Variants in PTPRT observed in about 807,000 individuals in gnomAD.
PTPRT encodes the protein receptor-type tyrosine-protein phosphatase T.
PTPRT carries 56 observed loss-of-function variants against 176.8 expected under a neutral mutation model. That is an observed-to-expected ratio of 0.32 (90% CI 0.26 to 0.40). The LOEUF is 0.40. Ranked by LOEUF, PTPRT falls within the 10% of genes least tolerant of loss-of-function variation. PTPRT has a pLI of 1.00. For missense variants in PTPRT, 1,540 were observed against 1,908.2 expected, an observed-to-expected ratio of 0.81 and a Z score of 3.60; for synonymous variants, 783 against 739.0, an observed-to-expected ratio of 1.06 and a Z score of -0.96.
chr20:42,580,176 CTTGT>C (rs1434782462), intron 7 of PTPRT, among the ~76,000 whole-genome samples: 1 of 152,150 alleles, frequency 6.6e-6, no homozygotes, highest in African/African-American at 2.4e-5. Context: ...TTCCCCATTG[CTTGT>C]TTTTCTCAGG....
At chr20:42,961,456 GA>G (rs1291551273) in intron 1 of PTPRT, among the ~76,000 whole-genome samples, 1 of 152,226 alleles carries the variant, frequency 6.6e-6, no homozygotes, top group Non-Finnish European at 1.5e-5. Context: ...TCCTTAAAAA[GA>G]AAGATTATAG....
chr20:42,138,764 A>C (rs995190094), intron 18 of PTPRT, among the ~76,000 whole-genome samples: 1 of 152,208 alleles, frequency 6.6e-6, no homozygotes, highest in African/African-American at 2.4e-5. Context: ...CACTCCCTAG[A>C]AACCCCACTG....
chr20:42,788,262 C>T (rs932757926), intron 3 of PTPRT, among the ~76,000 whole-genome samples: 3 of 151,940 alleles, frequency 2.0e-5, no homozygotes, highest in African/African-American at 7.3e-5. Context: ...TCCCACTCAC[C>T]TCTGCGTTAC....
intron 2 of PTPRT, among the ~76,000 whole-genome samples, chr20:42,872,302 G>C (rs2078858625): frequency 6.6e-6 from 1 of 152,238 alleles, no homozygotes; most frequent in Non-Finnish European, 1.5e-5. Context: ...ATGTCTCACT[G>C]ATTAGTAGTT....
At chr20:42,629,333 G>T (rs2074359961) in intron 7 of PTPRT, among the ~76,000 whole-genome samples, 1 of 152,148 alleles carries the variant, frequency 6.6e-6, no homozygotes, top group Admixed American at 6.5e-5. Flanking sequence ...AGTTGTCAAA[G>T]AATGCAAAGA....
chr20:42,723,896 G>T (rs922939762), intron 6 of PTPRT, among the ~76,000 whole-genome samples: 1 of 152,156 alleles, frequency 6.6e-6, no homozygotes, highest in Non-Finnish European at 1.5e-5. Flanking sequence ...ACTGGAGTGG[G>T]ATTATCACTG....
intron 8 of PTPRT, among the ~76,000 whole-genome samples, chr20:42,467,997 C>G (rs962921853): frequency 6.6e-6 from 1 of 152,108 alleles, no homozygotes; most frequent in African/African-American, 2.4e-5. Flanking sequence ...AAGGTGCAAG[C>G]GAACTGTGGT....
chr20:42,886,071 A>AT (rs397945991), intron 1 of PTPRT, 139 bp from the exon 2 acceptor site: 207 of 394,706 alleles, frequency 5.2e-4, no homozygotes, highest in East Asian at 1.1e-3. Flanking sequence ...ATATATATAT[A>AT]AAAGATGAGC....
At chr20:42,697,586 C>T (rs1402750719) in intron 6 of PTPRT, among the ~76,000 whole-genome samples, 3 of 152,208 alleles carry the variant, frequency 2.0e-5, no homozygotes. Flanking sequence ...TCTTCACACA[C>T]ACAGCAAGGA....
chr20:42,146,103 C>T (rs1023958319), intron 17 of PTPRT, among the ~76,000 whole-genome samples: 4 of 152,170 alleles, frequency 2.6e-5, no homozygotes, highest in African/African-American at 9.7e-5. Flanking sequence ...CTAGCTACTG[C>T]AGGTAACTCT....
chr20:42,577,240 T>C (rs1434954004), intron 7 of PTPRT, among the ~76,000 whole-genome samples: 4 of 152,268 alleles, frequency 2.6e-5, no homozygotes, highest in African/African-American at 9.6e-5. Context: ...AAGCATAATA[T>C]GGTTTGCAAG....
At chr20:42,175,017 A>G (rs1015324080) in intron 16 of PTPRT, among the ~76,000 whole-genome samples, 5 of 152,040 alleles carry the variant, frequency 3.3e-5, no homozygotes, top group Non-Finnish European at 5.9e-5. Context: ...AGGATCCTCA[A>G]ATCTGCTGCC....
At chr20:43,159,893 C>A (rs1480832657) in intron 1 of PTPRT, among the ~76,000 whole-genome samples, 1 of 151,796 alleles carries the variant, frequency 6.6e-6, no homozygotes. Context: ...GGAGTCATTC[C>A]TAATCTGATG....
chr20:42,583,672 A>G (rs1373914506), intron 7 of PTPRT, among the ~76,000 whole-genome samples: 1 of 152,190 alleles, frequency 6.6e-6, no homozygotes, highest in African/African-American at 2.4e-5. Flanking sequence ...TCATTCATCG[A>G]TATTCTCAAA....
At chr20:42,058,024 A>G in the PTPRT span, among the ~76,000 whole-genome samples, 106 of 152,322 alleles carry the variant, frequency 7.0e-4, no homozygotes, top group African/African-American at 2.5e-3. Context: ...TCAAAACAAG[A>G]TATAATGTTG....
chr20:42,710,598 C>T (rs1461575115), intron 6 of PTPRT, among the ~76,000 whole-genome samples: 1 of 152,276 alleles, frequency 6.6e-6, no homozygotes, highest in Non-Finnish European at 1.5e-5. Context: ...GCATCCTTCA[C>T]TCTTGCACTC....
chr20:43,040,431 A>G (rs1047593318), intron 1 of PTPRT, among the ~76,000 whole-genome samples: 3 of 152,326 alleles, frequency 2.0e-5, no homozygotes, highest in African/African-American at 7.2e-5. Context: ...TATTCACTAT[A>G]TATACTTATA....
At chr20:42,318,564 A>T (rs971879339) in intron 11 of PTPRT, among the ~76,000 whole-genome samples, 1 of 152,150 alleles carries the variant, frequency 6.6e-6, no homozygotes, top group African/African-American at 2.4e-5. Context: ...CAACAGACCT[A>T]AGAACACTGC....
chr20:42,571,991 A>G (rs973760986), intron 7 of PTPRT, among the ~76,000 whole-genome samples: 5 of 152,158 alleles, frequency 3.3e-5, no homozygotes, highest in Admixed American at 2.0e-4. Context: ...ACCACATACC[A>G]TAGACAGGGT....
Sources: allele counts gnomAD v4.1 joint callset (sites outside exome capture counted in the v4.1 genomes callset), GRCh38; gene constraint gnomAD v4.1.1; transcripts MANE v1.5; gene names NCBI Gene and HGNC (gene_info 2026-07-23, HGNC 2026-07-21).